Variants in E2F3 observed in about 807,000 individuals in gnomAD.
E2F3 encodes E2F transcription factor 3.
In E2F3, 11 loss-of-function variants were observed where a neutral mutation model predicts 44.4. The observed-to-expected ratio is 0.25, with a 90% CI of 0.16 to 0.41. The LOEUF (loss-of-function observed/expected upper bound fraction) is 0.41. E2F3 is among the 10% of genes least tolerant of loss of function. E2F3 has a pLI of 1.00. For synonymous variants in E2F3, 249 were observed against 253.0 expected (o/e 0.98, Z 0.15); for missense variants, 487 against 583.6 (o/e 0.83, Z 1.70).
In E2F3 at chr6:20,482,904, G is replaced by C. The variant is rs1320278537; in HGVS notation, c.868G>C (p.Asp290His). The C allele has an allele frequency of 1.2e-6, 2 of 1,613,612 alleles. No homozygotes were observed. The highest frequency in any genetic ancestry group is 1.7e-6 in the Non-Finnish European group (2 of 1,179,738). ...CCTGGACCTCAAACTGTTAACCGAG[G>C]ATTCAGAGAATCAAAGATATCCTTT... Reference protein sequence around the residue: ...CTLDLKLLTEDSENQRLAYVT... With the variant: ...CTLDLKLLTEHSENQRLAYVT... Residue 290 changes from aspartate (D) to histidine (H), a missense_variant, in exon 4 of 7, where the codon GAT (aspartate) becomes CAT (histidine). Transcript: ENST00000346618.
At chr6:20,479,770 GC>G (rs1762160912) in intron 1 of E2F3, 75 bp from the exon 2 acceptor site, 1 of 1,304,220 alleles carries the variant, frequency 7.7e-7, no homozygotes, top group Admixed American at 2.0e-5. Flanking sequence ...CATTTGGCAG[GC>G]CAGCCCACAA....
chr6:20,428,675 T>A (rs988518692), intron 1 of E2F3, among the ~76,000 whole-genome samples: 1 of 152,214 alleles, frequency 6.6e-6, no homozygotes, highest in Non-Finnish European at 1.5e-5. Flanking sequence ...TTAGAGTTGG[T>A]GCTGAAAACA....
intron 4 of E2F3, among the ~76,000 whole-genome samples, chr6:20,485,105 T>C (rs1435669342): frequency 6.6e-6 from 1 of 152,196 alleles, no homozygotes; most frequent in Non-Finnish European, 1.5e-5. Context: ...CCTTCATTGG[T>C]TTGTTACTTG....
intron 1 of E2F3, among the ~76,000 whole-genome samples, chr6:20,422,236 G>A (rs1561852748): frequency 6.6e-6 from 1 of 152,142 alleles, no homozygotes. Flanking sequence ...CTTAAAGGTC[G>A]TGAACCAACT....
intron 1 of E2F3, among the ~76,000 whole-genome samples, chr6:20,452,995 G>T (rs199545978): frequency 5.3e-4 from 1 of 1,884 alleles, no homozygotes; most frequent in Admixed American, 0.01. Flanking sequence ...CTTTCTTTTT[G>T]TTTGTTTGTT....
chr6:20,462,859 C>CTCTCTTTTT (rs1761564604), intron 1 of E2F3, among the ~76,000 whole-genome samples: 3 of 48,812 alleles, frequency 6.1e-5, no homozygotes, highest in African/African-American at 2.4e-4. Flanking sequence ...CTCTCTCTCT[C>CTCTCTTTTT]TTTTTTTTTT....
intron 1 of E2F3, among the ~76,000 whole-genome samples, chr6:20,428,061 G>T (rs1219775943): frequency 1.3e-5 from 2 of 152,100 alleles, no homozygotes; most frequent in Non-Finnish European, 2.9e-5. Context: ...TAAGTTAGAG[G>T]CGAGGAAATG....
At chr6:20,462,737 C>T (rs1044015896) in intron 1 of E2F3, among the ~76,000 whole-genome samples, 3 of 151,908 alleles carry the variant, frequency 2.0e-5, no homozygotes, top group East Asian at 1.9e-4. Context: ...GGATTACAGG[C>T]GTGAGCCACC....
chr6:20,432,345 G>A (rs572701909), intron 1 of E2F3, among the ~76,000 whole-genome samples: 26 of 152,282 alleles, frequency 1.7e-4, no homozygotes, highest in Non-Finnish European at 3.5e-4. Context: ...GATTAACTGC[G>A]CAGCCTGTGT....
Position 20,490,054 on chromosome 6 carries a change from C to T in E2F3, c.1136-114C>T. On this transcript the variant is annotated intron_variant, in intron 6 of 6. Transcript: ENST00000346618. The surrounding 1 kb of genome is among the most constrained non-coding windows in gnomAD (Gnocchi z 4.3). ...CTGCATCATAAAGTCGTCTCATTGTCATTATTTGCGGAAGGTACATGCTTT... is the reference window on the plus strand; with the variant it reads ...CTGCATCATAAAGTCGTCTCATTGTTATTATTTGCGGAAGGTACATGCTTT... 3.3e-6 allele frequency: 4 copies of T among 1,198,060 alleles called. No homozygotes were observed. The highest frequency in any genetic ancestry group is 4.6e-6 in the Non-Finnish European group (4 of 868,608). The allele number at this position is 1,198,060 out of a possible 1,614,324, so 74.2% of individuals were successfully genotyped here. A position where few individuals can be genotyped will look rare whatever the true frequency, so the allele number is the denominator to read the frequency against.
Position 20,402,576 on chromosome 6 carries a change from A to G in E2F3, c.344A>G (p.Gln115Arg). Residue 115 changes from glutamine (Q) to arginine (R), a missense_variant, in exon 1 of 7, where the codon CAG (glutamine) becomes CGG (arginine). Around this residue, in one of 3 missense-constraint regions of E2F3, gnomAD observed 238 missense variants for 236.0 expected, o/e 1.01. Transcript: ENST00000346618. This position sits in a 1 kb window ranked among gnomAD's most constrained non-coding sequence, Gnocchi z 5.6. ...TCCAGCAGAGCCGGGCTGCTGCAGC[A>G]GCCACCAGCGCTGGGACGCGGCGGC... ...GPSSRAGLLQ[Q>R]PPALGRGGSG... 1 of 1,503,590 alleles carries G rather than the reference A, an allele frequency of 6.7e-7. No homozygotes were observed. Among genetic ancestry groups the G allele is most frequent in the South Asian group, 1.2e-5 (1 of 81,844 alleles). 93.1% of individuals were successfully genotyped at this position (1,503,590 alleles called of 1,614,324 possible).
At chr6:20,410,696 G>A (rs573816875) in intron 1 of E2F3, among the ~76,000 whole-genome samples, 5 of 152,258 alleles carry the variant, frequency 3.3e-5, no homozygotes, top group African/African-American at 7.2e-5. Context: ...TTGGCTCACC[G>A]CAACCTCTGC....
intron 1 of E2F3, among the ~76,000 whole-genome samples, chr6:20,475,990 C>CAACT (rs1438667471): frequency 6.6e-6 from 1 of 152,194 alleles, no homozygotes; most frequent in Non-Finnish European, 1.5e-5. Context: ...CAAGGCCTGC[C>CAACT]AACTCCCTGT....
chr6:20,451,136 T>C (rs1023797377), intron 1 of E2F3, among the ~76,000 whole-genome samples: 1 of 152,352 alleles, frequency 6.6e-6, no homozygotes, highest in African/African-American at 2.4e-5. Flanking sequence ...ATATGAATTT[T>C]AAAATAGTTT....
intron 1 of E2F3, among the ~76,000 whole-genome samples, chr6:20,463,644 C>T (rs1322578277): frequency 6.6e-6 from 1 of 152,152 alleles, no homozygotes; most frequent in African/African-American, 2.4e-5. Flanking sequence ...GAACTAAAAA[C>T]CTCAGTTTCT....
intron 1 of E2F3, among the ~76,000 whole-genome samples, chr6:20,459,840 G>A (rs762379159): frequency 6.6e-6 from 1 of 152,086 alleles, no homozygotes; most frequent in Non-Finnish European, 1.5e-5. Flanking sequence ...TACTTGGGGG[G>A]TCGAGGTGAG....
chr6:20,442,679 A>G (rs1361583766), intron 1 of E2F3, among the ~76,000 whole-genome samples: 1 of 152,212 alleles, frequency 6.6e-6, no homozygotes, highest in East Asian at 1.9e-4. Context: ...ATGTTTAAAC[A>G]TATCTCAGGC....
chr6:20,446,599 A>AC (rs1760953351), intron 1 of E2F3, among the ~76,000 whole-genome samples: 1 of 152,138 alleles, frequency 6.6e-6, no homozygotes, highest in African/African-American at 2.4e-5. Flanking sequence ...TTGCTGTGTC[A>AC]CCCGGACTAG....
At chr6:20,430,996 C>T (rs1293278495) in intron 1 of E2F3, among the ~76,000 whole-genome samples, 1 of 152,000 alleles carries the variant, frequency 6.6e-6, no homozygotes, top group East Asian at 1.9e-4. Context: ...CTGCAGTCCA[C>T]CCTGGGCAAC....
Sources: gnomAD v4.1 joint callset for allele counts (sites outside exome capture counted in the v4.1 genomes callset) on GRCh38, gnomAD v4.1.1 for gene constraint, gnomAD v4.1.1 regional missense constraint, Gnocchi (gnomAD v3.1) non-coding constraint, MANE v1.5 for transcripts, NCBI Gene and HGNC (gene_info 2026-07-23, HGNC 2026-07-21) for gene names.